Variants in MGAT4A observed in about 807,000 individuals in gnomAD.
The protein encoded by MGAT4A is N-acetylglucosaminyltransferase IVa.
A neutral mutation model predicts 74.1 loss-of-function variants in MGAT4A; 33 were observed. That is an observed-to-expected ratio of 0.45 (90% CI 0.34 to 0.60). The LOEUF (loss-of-function observed/expected upper bound fraction) is 0.60. Among genes scored for constraint, MGAT4A ranks in the 20% least tolerant of loss-of-function variants. The pLI, the probability that MGAT4A is intolerant of heterozygous loss-of-function variation, is 0.02. For synonymous variants in MGAT4A, 198 were observed against 210.4 expected (o/e 0.94, Z 0.51); for missense variants, 479 against 628.3 (o/e 0.76, Z 2.54).
At chr2:98,702,690 C>T (rs1429201063) in intron 2 of MGAT4A, among the ~76,000 whole-genome samples, 1 of 152,168 alleles carries the variant, frequency 6.6e-6, no homozygotes, top group African/African-American at 2.4e-5. Flanking sequence ...CCTACCGGCT[C>T]GAGGTGTTTG....
chr2:98,699,527 C>T (rs917632504), intron 2 of MGAT4A, among the ~76,000 whole-genome samples: 1 of 151,936 alleles, frequency 6.6e-6, no homozygotes, highest in Non-Finnish European at 1.5e-5. Flanking sequence ...CCCCTAAATG[C>T]CATTGCCTTA....
intron 4 of MGAT4A, among the ~76,000 whole-genome samples, chr2:98,669,369 C>T (rs552175092): frequency 1.3e-3 from 191 of 152,258 alleles, no homozygotes; most frequent in African/African-American, 4.3e-3. Flanking sequence ...TTGCCTGCTG[C>T]CATCCACGTA....
intron 9 of MGAT4A, 102 bp downstream of exon 9, chr2:98,645,326 C>T (rs531199504): frequency 1.2e-6 from 1 of 828,770 alleles, no homozygotes; most frequent in African/African-American, 1.8e-5. Flanking sequence ...AACCCATTTC[C>T]ATAGGAAAAA....
At chr2:98,716,786 A>G (rs376472994) in intron 2 of MGAT4A, among the ~76,000 whole-genome samples, 48 of 152,276 alleles carry the variant, frequency 3.2e-4, no homozygotes, top group South Asian at 1.4e-3. Flanking sequence ...GTATTTACAT[A>G]TGACCTACAC....
chr2:98,630,928 G>C (rs1004188450), intron 14 of MGAT4A, among the ~76,000 whole-genome samples: 1 of 152,138 alleles, frequency 6.6e-6, no homozygotes, highest in African/African-American at 2.4e-5. Flanking sequence ...TAAGTATTAA[G>C]ACAGGAAAGA....
intron 8 of MGAT4A, among the ~76,000 whole-genome samples, chr2:98,651,258 T>C (rs1346419603): frequency 6.6e-6 from 1 of 152,110 alleles, no homozygotes; most frequent in Non-Finnish European, 1.5e-5. Flanking sequence ...TACAGATAAA[T>C]ATAGACGTAG....
intron 5 of MGAT4A, among the ~76,000 whole-genome samples, chr2:98,660,594 A>G (rs1701734912): frequency 6.6e-6 from 1 of 152,184 alleles, no homozygotes; most frequent in African/African-American, 2.4e-5. Context: ...ACACTGGCCA[A>G]TGGAACAGAA....
chr2:98,643,977 A>G lies in MGAT4A; in HGVS notation c.966T>C (p.Asp322=). The change falls in exon 10 of 16, where the codon GAT becomes GAC. Residue 322 remains aspartate, a synonymous_variant. Transcript: ENST00000393487. ...IFMFYKEKPI[D]WLLDHILWVK... ...CCCAGAGAATATGGTCCAGGAGCCA[A>G]TCAATGGGTTTCTCCTTGTAAAACA... 2.5e-6 allele frequency: 4 copies of G among 1,601,074 alleles called. No homozygotes were observed. Among genetic ancestry groups the G allele is most frequent in the East Asian group, 2.2e-5 (1 of 44,554 alleles).
chr2:98,647,600 T>C (rs1014424155), intron 8 of MGAT4A, among the ~76,000 whole-genome samples: 7 of 152,356 alleles, frequency 4.6e-5, no homozygotes, highest in African/African-American at 1.7e-4. Context: ...ATTACAGGCG[T>C]GAGCCACTGC....
chr2:98,721,608 G>C (rs1455609989), intron 2 of MGAT4A, among the ~76,000 whole-genome samples: 1 of 152,012 alleles, frequency 6.6e-6, no homozygotes, highest in Non-Finnish European at 1.5e-5. Flanking sequence ...AACATTAACA[G>C]ATGTAATAAG....
At chr2:98,706,581 G>C (rs999227067) in intron 2 of MGAT4A, among the ~76,000 whole-genome samples, 1 of 151,270 alleles carries the variant, frequency 6.6e-6, no homozygotes, top group African/African-American at 2.4e-5. Flanking sequence ...ACCCGCGTCG[G>C]CCTCCCAAAG....
At chr2:98,680,233 G>A (rs991970631) in intron 2 of MGAT4A, among the ~76,000 whole-genome samples, 1 of 151,992 alleles carries the variant, frequency 6.6e-6, no homozygotes, top group Non-Finnish European at 1.5e-5. Flanking sequence ...CAGTAGAGAT[G>A]GGGTTTCACC....
intron 11 of MGAT4A, 25 bp from the exon 12 acceptor site, chr2:98,640,026 TTAAATAA>T: frequency 6.3e-7 from 1 of 1,584,922 alleles, no homozygotes; most frequent in Non-Finnish European, 8.6e-7. Context: ...ATATATGCTA[TTAAATAA>T]TACACAGCTT....
At chr2:98,659,387 C>A (rs767574862) in intron 5 of MGAT4A, among the ~76,000 whole-genome samples, 2 of 152,084 alleles carry the variant, frequency 1.3e-5, no homozygotes, top group Admixed American at 1.3e-4. Flanking sequence ...CAGATCCTTG[C>A]CCCTTCAAGG....
chr2:98,649,113 G>A (rs1192433813), intron 8 of MGAT4A, among the ~76,000 whole-genome samples: 4 of 152,124 alleles, frequency 2.6e-5, no homozygotes, highest in African/African-American at 9.7e-5. Flanking sequence ...CAACAAGAAG[G>A]TTGATTATGA....
At chr2:98,698,183 A>G (rs1341130605) in intron 2 of MGAT4A, among the ~76,000 whole-genome samples, 1 of 152,140 alleles carries the variant, frequency 6.6e-6, no homozygotes, top group African/African-American at 2.4e-5. Context: ...GGAGGCTAAG[A>G]GAGGCAGATC....
chr2:98,621,833 T>A lies in MGAT4A; in HGVS notation c.*3733A>T, dbSNP rs896795602. The A allele has an allele frequency of 9.7e-5, 101 of 1,039,756 alleles. No homozygotes were observed. Among genetic ancestry groups the A allele is most frequent in the Non-Finnish European group, 1.1e-4 (91 of 865,120 alleles). The allele number at this position is 1,039,756 out of a possible 1,614,324, so 64.4% of individuals were successfully genotyped here. A position where few individuals can be genotyped will look rare whatever the true frequency, so the allele number is the denominator to read the frequency against. On this transcript the variant is annotated 3_prime_UTR_variant, in exon 16 of 16. Transcript: ENST00000393487. ...AAGGCCTTCATAATTTTGCTTATAG[T>A]TTTAAAAATAACAACACCTTCTAAT... is the stretch of plus-strand genomic sequence containing the variant.
intron 2 of MGAT4A, among the ~76,000 whole-genome samples, chr2:98,685,318 A>T (rs1481721644): frequency 2.0e-5 from 3 of 151,884 alleles, no homozygotes; most frequent in Admixed American, 6.6e-5. Context: ...CCACAGATAA[A>T]TTTTTTTTAA....
At chr2:98,696,886 T>C (rs1330402749) in intron 2 of MGAT4A, among the ~76,000 whole-genome samples, 2 of 152,246 alleles carry the variant, frequency 1.3e-5, no homozygotes, top group Non-Finnish European at 2.9e-5. Flanking sequence ...CTAAGGTTTA[T>C]TGATATCTCC....
Sources: allele counts gnomAD v4.1 joint callset (sites outside exome capture counted in the v4.1 genomes callset), GRCh38; gene constraint gnomAD v4.1.1; transcripts MANE v1.5; gene names NCBI Gene and HGNC (gene_info 2026-07-23, HGNC 2026-07-21).